Variants in UBE3D observed in about 807,000 individuals in gnomAD.
UBE3D encodes ubiquitin protein ligase E3D.
A neutral mutation model predicts 49.6 loss-of-function variants in UBE3D; 48 were observed. The observed-to-expected ratio is 0.97, with a 90% confidence interval of 0.77 to 1.23. The LOEUF is 1.23. Ranked by LOEUF, UBE3D falls within the 50% of genes most tolerant of loss-of-function variation. UBE3D has a pLI of 0.00. For missense variants in UBE3D, 452 were observed against 468.4 expected, an observed-to-expected ratio of 0.96 and a Z score of 0.32; for synonymous variants, 189 against 174.2, an observed-to-expected ratio of 1.08 and a Z score of -0.67.
At chr6:82,992,216 C>CTTTT (rs386407755) in intron 8 of UBE3D, among the ~76,000 whole-genome samples, 40 of 96,756 alleles carry the variant, frequency 4.1e-4, no homozygotes, top group East Asian at 9.7e-4. Flanking sequence ...ATCTGCATTC[C>CTTTT]TTTTTTTTTT....
intron 8 of UBE3D, among the ~76,000 whole-genome samples, chr6:83,011,381 C>T (rs1780327159): frequency 6.6e-6 from 1 of 152,202 alleles, no homozygotes. Flanking sequence ...CTTCAGCAAG[C>T]ACCTCAGCAG....
chr6:83,016,698 C>T (rs1007605958), intron 8 of UBE3D, among the ~76,000 whole-genome samples: 29 of 151,230 alleles, frequency 1.9e-4, no homozygotes, highest in African/African-American at 6.3e-4. Context: ...TATAAATCTT[C>T]ATATATATAA....
rs778872211 is a variant in UBE3D, at chr6:82,957,367, A to G, written c.1094T>C (p.Leu365Ser). 6.2e-7 allele frequency: 1 copy of G among 1,614,146 alleles called. No homozygotes were observed. Among genetic ancestry groups the G allele is most frequent in the South Asian group, 1.1e-5 (1 of 91,088 alleles). Residue 365 changes from leucine to serine, a missense_variant, in exon 9 of 10, where the codon TTG becomes TCG. Physicochemically the swap from Leu to Ser is moderately radical, Grantham distance 145 (BLOSUM62 -2). Transcript: ENST00000369747. ...SATCLELLLI[L>S]SKSNANLPSS... ...AGGCAGATTGGCATTACTCTTTGACAATATCAACAGCAGCTCCAAGCAGGT... is the reference window on the plus strand; with the variant it reads ...AGGCAGATTGGCATTACTCTTTGACGATATCAACAGCAGCTCCAAGCAGGT...
At chr6:82,918,393 T>G (rs1284001660) in intron 9 of UBE3D, among the ~76,000 whole-genome samples, 1 of 152,122 alleles carries the variant, frequency 6.6e-6, no homozygotes, top group African/African-American at 2.4e-5. Context: ...GTATGACTTA[T>G]TATAAAGGTA....
At chr6:83,064,400 GTATT>G (rs1190300966) in intron 1 of UBE3D, among the ~76,000 whole-genome samples, 1 of 152,034 alleles carries the variant, frequency 6.6e-6, no homozygotes. Flanking sequence ...GCTAATTTTT[GTATT>G]TTTAGTAGAG....
At position 83,005,289 on chromosome 6, in the gene UBE3D, C is replaced by T. The variant is rs145297531; in HGVS notation, c.1010+13684G>A. Among the ~76,000 whole-genome samples the T allele has an allele frequency of 3.2e-3, 481 of 151,742 alleles. 2 individuals are homozygous for T. Among genetic ancestry groups the T allele is most frequent in the Middle Eastern group, 0.014 (4 of 294 alleles). On this transcript the variant is annotated intron_variant, in intron 8 of 9. Transcript: ENST00000369747. ...ATTAAACCACAATGATATCACCTCA[C>T]ATCCATTATGACGGCTATTATTAAA... is the stretch of plus-strand genomic sequence containing the variant.
chr6:82,993,268 G>A (rs1057449275), intron 8 of UBE3D, among the ~76,000 whole-genome samples: 3 of 151,940 alleles, frequency 2.0e-5, no homozygotes, highest in East Asian at 1.9e-4. Flanking sequence ...AATTACCAAC[G>A]TATGACTGTC....
chr6:83,024,539 T>G (rs1484362831), intron 5 of UBE3D, among the ~76,000 whole-genome samples: 4 of 152,110 alleles, frequency 2.6e-5, no homozygotes, highest in Non-Finnish European at 5.9e-5. Flanking sequence ...CTGCTAAGTG[T>G]GTTAATTTGA....
intron 9 of UBE3D, among the ~76,000 whole-genome samples, chr6:82,931,443 C>A (rs966504866): frequency 6.6e-6 from 1 of 152,188 alleles, no homozygotes; most frequent in African/African-American, 2.4e-5. Context: ...CCTGGAAAAG[C>A]CACAGACACT....
At chr6:82,948,911 T>G (rs766567198) in intron 9 of UBE3D, among the ~76,000 whole-genome samples, 1 of 152,030 alleles carries the variant, frequency 6.6e-6, no homozygotes, top group East Asian at 1.9e-4. Context: ...CCATAGCTAG[T>G]ATCATACTGA....
At chr6:82,949,526 A>G (rs1775640049) in intron 9 of UBE3D, among the ~76,000 whole-genome samples, 1 of 152,104 alleles carries the variant, frequency 6.6e-6, no homozygotes, top group African/African-American at 2.4e-5. Flanking sequence ...TAAAAGTTAT[A>G]TGGAACCACA....
intron 9 of UBE3D, among the ~76,000 whole-genome samples, chr6:82,935,017 G>C (rs1167581682): frequency 8.0e-6 from 1 of 124,520 alleles, no homozygotes; most frequent in African/African-American, 2.9e-5. Context: ...GACTCTAATA[G>C]TATTAGACCA....
In UBE3D at chr6:83,065,643, C is replaced by T; in HGVS notation, c.76G>A (p.Gly26Arg). Reference sequence around the variant, plus strand: ...TGCGCCTAGAATCCCAGTTCTTACCCCAGGATCAGAAGCGCGCTCTGCAGC... The same window carrying T: ...TGCGCCTAGAATCCCAGTTCTTACCTCAGGATCAGAAGCGCGCTCTGCAGC... Reference protein sequence around the residue: ...GQLQSALLILGEPKEGGMPMN... With the variant: ...GQLQSALLILREPKEGGMPMN... The change falls in exon 1 of 10, where the codon GGA becomes AGA. Residue 26 changes from glycine (G) to arginine (R), a missense_variant and splice_region_variant. By Grantham distance (125) the Gly-to-Arg change is moderately radical. Transcript: ENST00000369747. 1.2e-6 allele frequency: 2 copies of T among 1,613,956 alleles called. No individual in the cohort carries two copies. Among genetic ancestry groups the T allele is most frequent in the Non-Finnish European group, 1.7e-6 (2 of 1,179,922 alleles).
chr6:83,038,066 A>AAAG (rs200231709), intron 5 of UBE3D: 5 of 155,298 alleles, frequency 3.2e-5, no homozygotes, highest in Non-Finnish European at 5.6e-5. Flanking sequence ...AAAAAAAAAA[A>AAAG]AAGAAGAAGA....
intron 8 of UBE3D, among the ~76,000 whole-genome samples, chr6:82,986,957 CT>C (rs1167877280): frequency 8.6e-5 from 13 of 151,680 alleles, no homozygotes; most frequent in African/African-American, 3.1e-4. Context: ...CTCTTCCTTC[CT>C]TCACAAGACA....
chr6:82,965,791 T>C (rs1363048764), intron 8 of UBE3D, among the ~76,000 whole-genome samples: 1 of 152,094 alleles, frequency 6.6e-6, no homozygotes, highest in Non-Finnish European at 1.5e-5. Context: ...AAAAGTGTAA[T>C]GAACCCATGT....
At chr6:83,035,238 C>T (rs1254715148) in intron 5 of UBE3D, among the ~76,000 whole-genome samples, 2 of 151,930 alleles carry the variant, frequency 1.3e-5, no homozygotes, top group Non-Finnish European at 2.9e-5. Context: ...TCAATCTAGG[C>T]TGCTATCCTG....
intron 8 of UBE3D, among the ~76,000 whole-genome samples, chr6:82,964,371 T>C (rs947275686): frequency 6.6e-6 from 1 of 152,130 alleles, no homozygotes. Context: ...AGAAATGATA[T>C]AACAACTCTA....
intron 9 of UBE3D, among the ~76,000 whole-genome samples, chr6:82,927,109 CT>C (rs1773809376): frequency 6.6e-6 from 1 of 151,986 alleles, no homozygotes; most frequent in Admixed American, 6.6e-5. Context: ...AAAAGACTAA[CT>C]TTTCTCTGTT....
Sources: gnomAD v4.1 joint callset for allele counts (sites outside exome capture counted in the v4.1 genomes callset) on GRCh38, gnomAD v4.1.1 for gene constraint, MANE v1.5 for transcripts, NCBI Gene and HGNC (gene_info 2026-07-23, HGNC 2026-07-21) for gene names.